The following TPTE2 variants were observed in gnomAD, a reference collection of about 807,000 sequenced individuals.
TPTE2 encodes transmembrane phosphoinositide 3-phosphatase and tensin homolog 2, also known as phosphatidylinositol 3,4,5-trisphosphate 3-phosphatase TPTE2.
In TPTE2, 53 loss-of-function variants were observed where a neutral mutation model predicts 78.6. The observed-to-expected ratio is 0.67, with a 90% CI of 0.54 to 0.85. The LOEUF (loss-of-function observed/expected upper bound fraction) is 0.85. Among genes scored for constraint, TPTE2 ranks in the 40% least tolerant of loss-of-function variants. TPTE2 has a pLI of 0.00. For missense variants in TPTE2, 461 were observed against 623.0 expected (o/e 0.74, Z 2.77); for synonymous variants, 175 against 206.2 (o/e 0.85, Z 1.30).
intron 4 of TPTE2, among the ~76,000 whole-genome samples, chr13:19,478,535 A>G (rs1012434753): frequency 6.6e-6 from 1 of 152,234 alleles, no homozygotes; most frequent in African/African-American, 2.4e-5. Flanking sequence ...GGATGTGGAG[A>G]AATTGAACAC....
At chr13:19,497,993 C>T (rs1186888262) in intron 1 of TPTE2, among the ~76,000 whole-genome samples, 2 of 151,152 alleles carry the variant, frequency 1.3e-5, no homozygotes, top group Non-Finnish European at 3.0e-5. Flanking sequence ...TCGAGAACTA[C>T]GTGAAGAATG....
intron 6 of TPTE2, among the ~76,000 whole-genome samples, chr13:19,472,650 A>C (rs1478181584): frequency 1.3e-5 from 2 of 152,210 alleles, no homozygotes; most frequent in Non-Finnish European, 2.9e-5. Context: ...CTGTTTCTAC[A>C]GGATTGGCTC....
chr13:19,474,060 G>C, exon 6 of TPTE2: 5 of 1,578,650 alleles, frequency 3.2e-6, no homozygotes, highest in Non-Finnish European at 4.3e-6. Flanking sequence ...GTAAGACCAG[G>C]AAAACTCCAA....
chr13:19,440,814 C>T (rs9508022), intron 13 of TPTE2, among the ~76,000 whole-genome samples: 141,007 of 151,980 alleles, frequency 0.93, 65,775 homozygotes, highest in East Asian at 1. Flanking sequence ...AGGCTGGGCA[C>T]GGTGGCTCAT....
chr13:19,551,223 A>G, the TPTE2 span, among the ~76,000 whole-genome samples: 3 of 152,224 alleles, frequency 2.0e-5, no homozygotes, highest in African/African-American at 7.2e-5. Flanking sequence ...TCCAGAACAC[A>G]GAACCATCCT....
intron 3 of TPTE2, among the ~76,000 whole-genome samples, chr13:19,489,726 A>T (rs1278547963): frequency 7.0e-6 from 1 of 143,484 alleles, no homozygotes; most frequent in South Asian, 2.3e-4. Context: ...ATATCTGTAT[A>T]TATATATACA....
intron 1 of TPTE2, among the ~76,000 whole-genome samples, chr13:19,495,932 G>A (rs1483002738): frequency 6.6e-6 from 1 of 152,076 alleles, no homozygotes; most frequent in East Asian, 1.9e-4. Context: ...GCAGTGGCAT[G>A]ATCTCAGCTC....
exon 20 of TPTE2, chr13:19,422,931 A>C (rs1875707682): frequency 2.1e-6 from 2 of 955,032 alleles, no homozygotes; most frequent in Non-Finnish European, 3.1e-6. Flanking sequence ...ACATATATAA[A>C]TATAGATGCA....
chr13:19,424,005 T>G (rs1232730762), intron 19 of TPTE2, among the ~76,000 whole-genome samples: 1 of 152,220 alleles, frequency 6.6e-6, no homozygotes, highest in Non-Finnish European at 1.5e-5. Flanking sequence ...CAAAGTTGAC[T>G]CTATCAAAAT....
At chr13:19,480,689 T>G (rs921969847) in intron 4 of TPTE2, among the ~76,000 whole-genome samples, 1 of 152,146 alleles carries the variant, frequency 6.6e-6, no homozygotes, top group Non-Finnish European at 1.5e-5. Context: ...GAATGTGCAT[T>G]AGAACAAATA....
chr13:19,454,836 C>A (rs1325868809), intron 10 of TPTE2, among the ~76,000 whole-genome samples: 2 of 152,162 alleles, frequency 1.3e-5, no homozygotes, highest in East Asian at 1.9e-4. Flanking sequence ...TATTAGTCAC[C>A]ACCAAATCTA....
At chr13:19,495,411 CT>C (rs1881243685) in intron 1 of TPTE2, among the ~76,000 whole-genome samples, 2 of 152,228 alleles carry the variant, frequency 1.3e-5, no homozygotes, top group African/African-American at 4.8e-5. Context: ...TTGGTCCACA[CT>C]ACTAGCACAG....
At chr13:19,506,163 T>C (rs1869010994), upstream of TPTE2, among the ~76,000 whole-genome samples, 1 of 35,054 alleles carries the variant, frequency 2.9e-5, no homozygotes, top group Non-Finnish European at 6.5e-5. Flanking sequence ...TATAAATCTT[T>C]TTTTTTTTTT....
At chr13:19,547,720 C>CATATATATATATATATATATATATAT in the TPTE2 span, among the ~76,000 whole-genome samples, 76 of 118,852 alleles carry the variant, frequency 6.4e-4, 2 homozygotes, top group East Asian at 3.9e-3. Context: ...AATAAATATA[C>CATATATATATATATATATATATATAT]ATATATATAT....
chr13:19,545,693 T>A, the TPTE2 span, among the ~76,000 whole-genome samples: 1 of 152,218 alleles, frequency 6.6e-6, no homozygotes, highest in Non-Finnish European at 1.5e-5. Flanking sequence ...AAGCCAGTGG[T>A]TAACTAGTCC....
intron 1 of TPTE2, among the ~76,000 whole-genome samples, chr13:19,514,068 G>A (rs192365596): frequency 1.8e-3 from 267 of 152,184 alleles, no homozygotes; most frequent in African/African-American, 6.2e-3. Context: ...GCTGCTGAGG[G>A]CTCCTTTGCT....
chr13:19,510,300 A>G (rs1869347296), intron 1 of TPTE2, among the ~76,000 whole-genome samples: 1 of 152,134 alleles, frequency 6.6e-6, no homozygotes, highest in South Asian at 2.1e-4. Context: ...TTTGGCTCAC[A>G]GTTGTGTGCT....
At chr13:19,556,411 A>C in the TPTE2 span, among the ~76,000 whole-genome samples, 1 of 152,340 alleles carries the variant, frequency 6.6e-6, no homozygotes, top group South Asian at 2.1e-4. Context: ...TGAATGAGAT[A>C]TAGCCCCTAA....
intron 1 of TPTE2, chr13:19,493,736 C>G: frequency 1.8e-6 from 1 of 550,092 alleles, no homozygotes; most frequent in Non-Finnish European, 3.3e-6. Flanking sequence ...TTAAGTAAAC[C>G]TCTTTATTAT....
Sources: allele counts gnomAD v4.1 joint callset (sites outside exome capture counted in the v4.1 genomes callset), GRCh38; gene constraint gnomAD v4.1.1; transcripts MANE v1.5; gene names NCBI Gene and HGNC (gene_info 2026-07-23, HGNC 2026-07-21).